Variants in VPS13B observed in about 807,000 individuals in gnomAD.
The protein encoded by VPS13B is vacuolar protein sorting 13 homolog B.
In VPS13B, 285 loss-of-function variants were observed where a neutral mutation model predicts 426.4. The observed-to-expected ratio is 0.67, with a 90% confidence interval of 0.61 to 0.74. The LOEUF is 0.74. Among genes scored for constraint, VPS13B ranks in the 30% least tolerant of loss-of-function variants. VPS13B has a pLI of 0.00. For synonymous variants in VPS13B, 1,676 were observed against 1,676.4 expected (o/e 1.00, Z 0.01); for missense variants, 4,537 against 4,782.6 (o/e 0.95, Z 1.51).
At position 99,134,676 on chromosome 8, in the gene VPS13B, A is replaced by G. The variant is rs1809978035; in HGVS notation, c.1251A>G (p.Lys417=). The part of the protein sequence containing the change: ...QVESSYYSPQ[K]VKSKEVLCWE... ...AGAGTAGTTATTACAGTCCACAGAA[A>G]GTAAAATCTAAAGAAGTATTGTGTT... The change falls in exon 9 of 62, where the codon AAA becomes AAG. Residue 417 remains lysine (K), a synonymous_variant. Coordinates refer to ENST00000357162, the MANE Select transcript of VPS13B (RefSeq NM_152564.5). 1 of 1,610,470 alleles carries G rather than the reference A, an allele frequency of 6.2e-7. No homozygotes were observed. Among genetic ancestry groups the G allele is most frequent in the Admixed American group, 1.7e-5 (1 of 59,924 alleles).
chr8:99,573,053 G>A (rs1416240647), intron 31 of VPS13B, among the ~76,000 whole-genome samples: 2 of 152,208 alleles, frequency 1.3e-5, no homozygotes, highest in Non-Finnish European at 2.9e-5. Context: ...CTGATGACCA[G>A]TGATGATGAG....
At chr8:99,753,058 A>G (rs1201150331) in intron 39 of VPS13B, among the ~76,000 whole-genome samples, 5 of 152,078 alleles carry the variant, frequency 3.3e-5, no homozygotes, top group African/African-American at 9.7e-5. Context: ...TAACTTTCTG[A>G]ACTTTATTTT....
chr8:99,642,593 A>G, intron 34 of VPS13B, 95 bp downstream of exon 34: 1 of 1,124,662 alleles, frequency 8.9e-7, no homozygotes, highest in Non-Finnish European at 1.3e-6. Context: ...AACAGCTGGC[A>G]GACAAAAGTC....
At chr8:99,784,602 T>C in intron 43 of VPS13B, 126 bp downstream of exon 43, 1 of 1,297,098 alleles carries the variant, frequency 7.7e-7, no homozygotes, top group Non-Finnish European at 1.1e-6. Context: ...CGTAGCTACA[T>C]CTGACGGAAA....
At position 99,525,736 on chromosome 8, in the gene VPS13B, A is replaced by G. The variant is rs539716397; in HGVS notation, c.4745+4726A>G. 1.3e-4 allele frequency among the ~76,000 whole-genome samples: 20 copies of G among 152,324 alleles called. No homozygotes were observed. In the South Asian group the frequency reaches 4.1e-3, roughly 32 times the overall value. The stretch of plus-strand genomic sequence containing the variant: ...GAGAGAGAATTACAAGCTAATAAAT[A>G]AATCATATGGTATACTAGAATTTAA... On this transcript the variant is annotated intron_variant, in intron 30 of 61. Coordinates refer to ENST00000357162, the MANE Select transcript of VPS13B (RefSeq NM_152564.5).
At chr8:99,802,752 A>G (rs1241818908) in intron 43 of VPS13B, among the ~76,000 whole-genome samples, 1 of 152,204 alleles carries the variant, frequency 6.6e-6, no homozygotes, top group Non-Finnish European at 1.5e-5. Context: ...GATAGCATTA[A>G]CATGTTTTCC....
chr8:99,507,697 A>G, intron 28 of VPS13B: 12 of 1,602,222 alleles, frequency 7.5e-6, no homozygotes, highest in Non-Finnish European at 1.0e-5. Context: ...AAAACTATCC[A>G]GATATTTTTT....
chr8:99,764,637 A>C (rs1181915631), intron 39 of VPS13B, among the ~76,000 whole-genome samples: 1 of 151,834 alleles, frequency 6.6e-6, no homozygotes, highest in Non-Finnish European at 1.5e-5. Flanking sequence ...GCTGGTCTTG[A>C]ACTCCTGACC....
In VPS13B at chr8:99,136,668, A is replaced by G. The variant is rs146659631; in HGVS notation, c.1567A>G (p.Thr523Ala). Residue 523 changes from threonine (T) to alanine (A), a missense_variant, in exon 12 of 62, where the codon ACA (threonine) becomes GCA (alanine). By Grantham distance (58) the Thr-to-Ala change is moderately conservative. Coordinates refer to ENST00000357162, the MANE Select transcript of VPS13B (RefSeq NM_152564.5). ...GTTTGCATTGCTTTGTTGGCAGGAG[A>G]CATACACTGAGATAGCTGGAATGCA... is the stretch of plus-strand genomic sequence containing the variant. ...FILDSTHHKE[T>A]YTEIAGMQRF... 3 of 1,613,534 alleles carry G rather than the reference A, an allele frequency of 1.9e-6. No homozygotes were observed. The highest frequency in any genetic ancestry group is 2.2e-5 in the East Asian group (1 of 44,800).
intron 61 of VPS13B, among the ~76,000 whole-genome samples, chr8:99,873,506 TGA>T (rs1205476312): frequency 6.6e-6 from 1 of 152,188 alleles, no homozygotes; most frequent in African/African-American, 2.4e-5. Context: ...AAGACATGAC[TGA>T]GAGCAGGAGC....
chr8:99,534,043 G>T (rs1379163443), intron 30 of VPS13B, among the ~76,000 whole-genome samples: 1 of 152,166 alleles, frequency 6.6e-6, no homozygotes, highest in East Asian at 1.9e-4. Context: ...GGTTAGTGTT[G>T]GTTTCAAATA....
intron 4 of VPS13B, 43 bp from the exon 5 acceptor site, chr8:99,102,910 G>T: frequency 1.3e-6 from 2 of 1,491,502 alleles, no homozygotes; most frequent in South Asian, 2.3e-5. Context: ...ATTATTTACT[G>T]AGAGATTTGT....
intron 19 of VPS13B, among the ~76,000 whole-genome samples, chr8:99,317,762 A>G (rs1034371960): frequency 6.6e-6 from 1 of 152,138 alleles, no homozygotes; most frequent in East Asian, 1.9e-4. Flanking sequence ...TATTTGAACA[A>G]TGGGACTTCT....
chr8:99,239,102 T>G (rs79220697), intron 17 of VPS13B, among the ~76,000 whole-genome samples: 6,362 of 152,248 alleles, frequency 0.042, 170 homozygotes, highest in South Asian at 0.1. Flanking sequence ...AGCATCCCAG[T>G]GTTATCACAT....
At chr8:99,026,793 A>AT (rs1405850268) in intron 2 of VPS13B, among the ~76,000 whole-genome samples, 1 of 151,332 alleles carries the variant, frequency 6.6e-6, no homozygotes, top group Non-Finnish European at 1.5e-5. Flanking sequence ...AACTTTTTTC[A>AT]TTTTTTCATT....
At chr8:99,415,362 C>G (rs1261716605) in intron 21 of VPS13B, among the ~76,000 whole-genome samples, 2 of 151,880 alleles carry the variant, frequency 1.3e-5, no homozygotes, top group Non-Finnish European at 2.9e-5. Context: ...TTAGAACATG[C>G]TCCTTTAGCT....
chr8:99,524,763 A>G (rs967563785), intron 30 of VPS13B, among the ~76,000 whole-genome samples: 4 of 152,192 alleles, frequency 2.6e-5, no homozygotes, highest in African/African-American at 9.7e-5. Flanking sequence ...CCCACGCTCC[A>G]GCCTGGGGGA....
At chr8:99,215,754 A>G (rs1815358439) in intron 17 of VPS13B, among the ~76,000 whole-genome samples, 1 of 152,178 alleles carries the variant, frequency 6.6e-6, no homozygotes, top group African/African-American at 2.4e-5. Context: ...CCTTGCAAGT[A>G]CCAAAATCCT....
chr8:99,670,972 C>T (rs1042780013), intron 35 of VPS13B, among the ~76,000 whole-genome samples: 3 of 152,048 alleles, frequency 2.0e-5, no homozygotes, highest in Non-Finnish European at 2.9e-5. Context: ...CTTCGGCACA[C>T]TGGTTTCATT....
Sources: gnomAD v4.1 joint callset for allele counts (sites outside exome capture counted in the v4.1 genomes callset) on GRCh38, gnomAD v4.1.1 for gene constraint, MANE v1.5 for transcripts, NCBI Gene and HGNC (gene_info 2026-07-23, HGNC 2026-07-21) for gene names.